The following ARAP2 variants were observed in gnomAD, a reference collection of about 807,000 sequenced individuals.
The protein encoded by ARAP2 is ArfGAP with RhoGAP domain, ankyrin repeat and PH domain 2, also known as arf-GAP with Rho-GAP domain, ANK repeat and PH domain-containing protein 2.
A neutral mutation model predicts 194.5 loss-of-function variants in ARAP2; 148 were observed. That is an observed-to-expected ratio of 0.76 (90% CI 0.67 to 0.87). ARAP2 has a LOEUF of 0.87. Ranked by LOEUF, ARAP2 falls within the 40% of genes least tolerant of loss-of-function variation. The pLI is 0.00. For missense variants in ARAP2, 2,128 were observed against 1,989.7 expected (o/e 1.07, Z -1.32); for synonymous variants, 695 against 683.5 (o/e 1.02, Z -0.26).
chr4:36,182,973 A>C (rs1378198961), intron 8 of ARAP2, among the ~76,000 whole-genome samples: 2 of 152,212 alleles, frequency 1.3e-5, no homozygotes, highest in Non-Finnish European at 2.9e-5. Flanking sequence ...CACATTTGAC[A>C]TCAGTCACCC....
intron 19 of ARAP2, among the ~76,000 whole-genome samples, chr4:36,145,049 G>GT (rs928769469): frequency 5.3e-5 from 8 of 151,820 alleles, no homozygotes; most frequent in African/African-American, 1.7e-4. Flanking sequence ...GTAATTAAGA[G>GT]TTTTTTTAAG....
chr4:36,081,431 C>A (rs774046869), intron 30 of ARAP2, among the ~76,000 whole-genome samples: 1 of 151,940 alleles, frequency 6.6e-6, no homozygotes, highest in Non-Finnish European at 1.5e-5. Context: ...GCAAGGAATG[C>A]GTGGTGAATA....
intron 5 of ARAP2, among the ~76,000 whole-genome samples, chr4:36,036,762 T>G (rs1720002555): frequency 6.6e-6 from 1 of 152,158 alleles, no homozygotes; most frequent in Non-Finnish European, 1.5e-5. Context: ...GTTATATAGC[T>G]TTTGCTAGTA....
chr4:36,065,452 C>A, downstream of ARAP2: 1 of 404,052 alleles, frequency 2.5e-6, no homozygotes, highest in East Asian at 7.4e-5. Flanking sequence ...CCAGTGTATT[C>A]ACTATGTGGC....
chr4:36,067,864 A>G lies in ARAP2; in HGVS notation c.*43T>C. On this transcript the variant is annotated 3_prime_UTR_variant, in exon 33 of 33. Coordinates refer to ENST00000303965, the MANE Select transcript of ARAP2 (RefSeq NM_015230.4). ...TTGGAGTTACACATAAAGATTGCAT[A>G]CAATATTAAAAAAATAATCTGGGGA... is the stretch of plus-strand genomic sequence containing the variant. The G allele has an allele frequency of 1.3e-6, 2 of 1,523,182 alleles. No homozygotes were observed. Among genetic ancestry groups the G allele is most frequent in the Non-Finnish European group, 1.8e-6 (2 of 1,135,690 alleles). The allele number at this position is 1,523,182 out of a possible 1,614,324, so 94.4% of individuals were successfully genotyped here. A position where few individuals can be genotyped will look rare whatever the true frequency, so the allele number is the denominator to read the frequency against.
rs751547009 is a variant in ARAP2, at chr4:36,073,787, G to A, written c.4645C>T (p.Arg1549Ter). The A allele has an allele frequency of 3.1e-6, 5 of 1,613,054 alleles. No individual in the cohort carries two copies. The highest frequency in any genetic ancestry group is 1.7e-4 in the Middle Eastern group (1 of 6,056). ...GGATTTTTGGTTATTGAACGTTTTC[G>A]TTCCTTTCCAGCTGGTGGCCATATA... ...YDIWPPAGKE[R>*]KRSITKNPKI... The change falls in exon 32 of 33, where the codon CGA (arginine) becomes TGA (stop). Residue 1549 changes from arginine to a stop codon, truncating the protein, a stop_gained. Coordinates refer to ENST00000303965, the MANE Select transcript of ARAP2 (RefSeq NM_015230.4). LOFTEE classifies it high-confidence loss of function.
At chr4:36,107,389 T>G (rs553997499) in intron 27 of ARAP2, among the ~76,000 whole-genome samples, 176 bp downstream of exon 27, 2 of 152,184 alleles carry the variant, frequency 1.3e-5, no homozygotes, top group East Asian at 3.9e-4. Flanking sequence ...GAGCAACACA[T>G]TGGGAAAATA....
intron 5 of ARAP2, among the ~76,000 whole-genome samples, chr4:36,042,815 T>G (rs1721086330): frequency 6.6e-6 from 1 of 150,526 alleles, no homozygotes. Context: ...ATCCAATCAA[T>G]AAATCCAATA....
chr4:36,185,482 G>T (rs1018499202), intron 8 of ARAP2, among the ~76,000 whole-genome samples: 3 of 152,018 alleles, frequency 2.0e-5, no homozygotes, highest in African/African-American at 7.2e-5. Flanking sequence ...AGGCCGGCTG[G>T]AATGTACCCA....
At chr4:36,243,556 A>AAGGT (rs1263575662) in intron 1 of ARAP2, 2 of 152,118 alleles carry the variant, frequency 1.3e-5, no homozygotes, top group Non-Finnish European at 1.5e-5. Flanking sequence ...AGATCACCTC[A>AAGGT]AGGTAGGAGG....
rs915205067 is a variant in ARAP2 at position 36,174,452 on chromosome 4, T to G, written c.1857+3375A>C. On this transcript the variant is annotated intron_variant, in intron 9 of 32. Coordinates refer to ENST00000303965, the MANE Select transcript of ARAP2 (RefSeq NM_015230.4). ...AGAATCTGAGTGTCAGTTTTTACTA[T>G]GCCATTTTCTACTCTAACAAATGTT... is the stretch of plus-strand genomic sequence containing the variant. 3.9e-5 allele frequency among the ~76,000 whole-genome samples: 6 copies of G among 152,334 alleles called. No individual in the cohort carries two copies. In the East Asian group the frequency reaches 1.2e-3, roughly 29 times the overall value.
rs911557954 is a variant in ARAP2, at chr4:36,228,169, T to C, written c.905+413A>G. Among the ~76,000 whole-genome samples the C allele has an allele frequency of 5.3e-5, 8 of 152,198 alleles. No homozygotes were observed. In the East Asian group the frequency reaches 5.8e-4, roughly 11 times the overall value. On this transcript the variant is annotated intron_variant, in intron 2 of 32. Coordinates refer to ENST00000303965, the MANE Select transcript of ARAP2 (RefSeq NM_015230.4). ...CTGAATTATTACTTGGTGCCAAGCA[T>C]TGTACCACGCAGCAGAGATACAAAC... is the stretch of plus-strand genomic sequence containing the variant.
At chr4:36,200,894 C>T (rs571102407) in intron 6 of ARAP2, among the ~76,000 whole-genome samples, 22 of 152,296 alleles carry the variant, frequency 1.4e-4, no homozygotes, top group African/African-American at 5.1e-4. Context: ...CAATTACTAG[C>T]TTAATTTGCT....
intron 5 of ARAP2, among the ~76,000 whole-genome samples, chr4:36,042,180 T>TA (rs1000381530): frequency 3.6e-4 from 55 of 151,852 alleles, no homozygotes; most frequent in African/African-American, 1.0e-3. Flanking sequence ...AAATGAAAGT[T>TA]AAAAAAAACA....
At chr4:36,227,578 A>T (rs919932650) in intron 2 of ARAP2, among the ~76,000 whole-genome samples, 1 of 152,158 alleles carries the variant, frequency 6.6e-6, no homozygotes, top group Non-Finnish European at 1.5e-5. Flanking sequence ...ACCTAAGGCC[A>T]AGAGAATCAG....
At chr4:36,132,659 C>A (rs1193148077) in intron 20 of ARAP2, among the ~76,000 whole-genome samples, 6 of 151,716 alleles carry the variant, frequency 4.0e-5, no homozygotes, top group Non-Finnish European at 7.4e-5. Flanking sequence ...TGAAGCTGGA[C>A]CATGGTACAG....
intron 26 of ARAP2, among the ~76,000 whole-genome samples, chr4:36,111,758 G>A (rs189785438): frequency 6.6e-6 from 1 of 151,848 alleles, no homozygotes; most frequent in Non-Finnish European, 1.5e-5. Context: ...AATGTTTCTT[G>A]GTATAATGCA....
intron 2 of ARAP2, among the ~76,000 whole-genome samples, chr4:36,055,694 G>C (rs989020354): frequency 6.6e-6 from 1 of 152,088 alleles, no homozygotes; most frequent in East Asian, 1.9e-4. Flanking sequence ...CTCCCAAGGA[G>C]CTGGGATTAC....
chr4:36,051,765 C>T (rs987885511), intron 3 of ARAP2, among the ~76,000 whole-genome samples: 17 of 152,064 alleles, frequency 1.1e-4, no homozygotes, highest in Admixed American at 3.9e-4. Flanking sequence ...TCTACTTAAA[C>T]GGTCAAGTAT....
Sources: gnomAD v4.1 joint callset for allele counts (sites outside exome capture counted in the v4.1 genomes callset) on GRCh38, gnomAD v4.1.1 for gene constraint, MANE v1.5 for transcripts, NCBI Gene and HGNC (gene_info 2026-07-23, HGNC 2026-07-21) for gene names.